The following MARF1 variants were observed in gnomAD, a reference collection of about 807,000 sequenced individuals.
MARF1 encodes meiosis regulator and mRNA stability factor 1.
A neutral mutation model predicts 168.2 loss-of-function variants in MARF1; 24 were observed. That is an observed-to-expected ratio of 0.14 (90% CI 0.10 to 0.20). The LOEUF (loss-of-function observed/expected upper bound fraction) is 0.20, where lower values mean the gene tolerates loss of function less well. Ranked by LOEUF, MARF1 falls within the 10% of genes least tolerant of loss-of-function variation. The pLI, the probability that MARF1 is intolerant of heterozygous loss-of-function variation, is 1.00. For synonymous variants in MARF1, 868 were observed against 822.4 expected, an observed-to-expected ratio of 1.06 and a Z score of -0.95; for missense variants, 1,744 against 2,143.6, an observed-to-expected ratio of 0.81 and a Z score of 3.68.
chr16:15,632,638 G>A (rs192226643), intron 5 of MARF1, among the ~76,000 whole-genome samples: 1 of 152,016 alleles, frequency 6.6e-6, no homozygotes, highest in African/African-American at 2.4e-5. Flanking sequence ...TCGCATATAA[G>A]TCCCCAAAGG....
chr16:15,615,719 G>C (rs2033992616), intron 16 of MARF1, 111 bp downstream of exon 16: 6 of 696,006 alleles, frequency 8.6e-6, no homozygotes, highest in Non-Finnish European at 1.3e-5. Flanking sequence ...ACACATCCAT[G>C]GTGTTTTCAC....
At chr16:15,622,630 G>T (rs982749375) in intron 11 of MARF1, among the ~76,000 whole-genome samples, 1 of 152,088 alleles carries the variant, frequency 6.6e-6, no homozygotes, top group Non-Finnish European at 1.5e-5. Context: ...TGATCTGGCC[G>T]CCTTGGCCTC....
In MARF1 at chr16:15,596,921, G is replaced by A; in HGVS notation, c.5001C>T (p.Asn1667=). 6.2e-7 allele frequency: 1 copy of A among 1,603,746 alleles called. No individual in the cohort carries two copies. The highest frequency in any genetic ancestry group is 1.3e-5 in the African/African-American group (1 of 74,740). The change falls in exon 27 of 27, where the codon AAC becomes AAT. Residue 1667 remains asparagine, a synonymous_variant. Coordinates refer to ENST00000396368, the MANE Select transcript of MARF1 (RefSeq NM_014647.4). ...TTGGAATCTCCATTTTTTCTTCTTGGTTTAAAATCATAATTTCTGTAAACA... is the reference window on the plus strand; with the variant it reads ...TTGGAATCTCCATTTTTTCTTCTTGATTTAAAATCATAATTTCTGTAAACA... ...PQEPSEIMIL[N]QEEKMEIPIP... is the part of the protein sequence containing the mutation.
rs1325046133 is a variant in MARF1 at position 15,617,379 on chromosome 16, C to A, written c.2877G>T (p.Thr959=). The stretch of plus-strand genomic sequence containing the variant: ...CTTCAAATATAATTGGGCTGCAATT[C>A]GTGGAGGAGCCGTCGTGTGACTGGG... ...GSSQSHDGSS[T]NCSPIIFEEL... The change falls in exon 14 of 27, where the codon ACG becomes ACT. Residue 959 remains threonine (T), a synonymous_variant. Transcript: ENST00000396368. 5 of 1,614,132 alleles carry A rather than the reference C, an allele frequency of 3.1e-6. No individual in the cohort carries two copies. Among genetic ancestry groups the A allele is most frequent in the Non-Finnish European group, 4.2e-6 (5 of 1,180,016 alleles).
rs202242803 is a variant in MARF1 at position 15,596,961 on chromosome 16, G to A, written c.4985-24C>T. ...TTCTGTAAACACAGAAAAGCAAACA[G>A]ATTCAGATCCAGGAACTGTAAGAAG... On this transcript the variant is annotated intron_variant, in intron 26 of 26. Transcript: ENST00000396368. The A allele has an allele frequency of 1.1e-4, 178 of 1,579,882 alleles. 1 individual carries two copies. In the East Asian group the frequency reaches 2.2e-3, roughly 19 times the overall value.
At position 15,604,394 on chromosome 16, in the gene MARF1, G is replaced by A; in HGVS notation, c.4187C>T (p.Ala1396Val). The part of the protein sequence containing the change: ...TQKLCHVVKV[A>V]DIESGRQIQL... ...AATCTGTCTGCCAGATTCTATATCG[G>A]CAACCTGGGGAAAACGAGAATTCAC... Residue 1396 changes from alanine to valine, a missense_variant, in exon 22 of 27, where the codon GCC (alanine) becomes GTC (valine). Transcript: ENST00000396368. 1 of 1,611,294 alleles carries A rather than the reference G, an allele frequency of 6.2e-7. No homozygotes were observed. The highest frequency in any genetic ancestry group is 8.5e-7 in the Non-Finnish European group (1 of 1,177,382).
In MARF1 at chr16:15,596,558, TAGAAC is replaced by T. The variant is rs2031706660; in HGVS notation, c.*130_*134del. 1 of 786,050 alleles carries T rather than the reference TAGAAC, an allele frequency of 1.3e-6. No individual in the cohort carries two copies. The highest frequency in any genetic ancestry group is 2.9e-5 in the East Asian group (1 of 34,912). The allele number at this position is 786,050 out of a possible 1,614,324, so 48.7% of individuals were successfully genotyped here. On this transcript the variant is annotated 3_prime_UTR_variant, in exon 27 of 27. Transcript: ENST00000396368. ...TGTTCAATGGAAAAGAAAAACATGA[TAGAAC>T]ACAGGTAAGATGAAGTCAATGGCTT...
At chr16:15,617,785 T>C (rs1358750410) in intron 13 of MARF1, among the ~76,000 whole-genome samples, 1 of 151,998 alleles carries the variant, frequency 6.6e-6, no homozygotes, top group Non-Finnish European at 1.5e-5. Flanking sequence ...CCCTGCCCAG[T>C]TTCTTTAAGT....
At chr16:15,605,271 G>A (rs1448590560) in intron 21 of MARF1, among the ~76,000 whole-genome samples, 4 of 152,100 alleles carry the variant, frequency 2.6e-5, no homozygotes, top group East Asian at 1.9e-4. Context: ...TTCCTGCCAG[G>A]GCCAAAGGTC....
intron 19 of MARF1, among the ~76,000 whole-genome samples, chr16:15,610,115 C>A (rs1290004641): frequency 1.3e-5 from 2 of 152,136 alleles, no homozygotes; most frequent in Non-Finnish European, 2.9e-5. Context: ...TTCTGAATAT[C>A]CCCACTTTTT....
At chr16:15,610,834 G>A (rs1039440177) in intron 19 of MARF1, 141 bp downstream of exon 19, 1 of 768,776 alleles carries the variant, frequency 1.3e-6, no homozygotes, top group East Asian at 2.7e-5. Context: ...AGAATCCAAA[G>A]AGCAGCAGTT....
At chr16:15,600,609 T>C (rs554526248) in intron 24 of MARF1, 32 bp downstream of exon 24, 18 of 1,613,984 alleles carry the variant, frequency 1.1e-5, no homozygotes, top group Non-Finnish European at 1.4e-5. Context: ...ACCGTGATTT[T>C]TTAAGGGGGG....
chr16:15,635,254 T>C (rs1381167629), intron 3 of MARF1: 3 of 401,414 alleles, frequency 7.5e-6, no homozygotes, highest in South Asian at 5.4e-5. Flanking sequence ...CCAATGTGAC[T>C]GAGGCCAAGC....
chr16:15,613,597 G>C (rs984799146), intron 16 of MARF1, among the ~76,000 whole-genome samples: 1 of 151,756 alleles, frequency 6.6e-6, no homozygotes, highest in African/African-American at 2.4e-5. Flanking sequence ...AGGAGGTGGA[G>C]CTTGCAGTGA....
At chr16:15,605,124 G>A (rs1181108061) in intron 21 of MARF1, among the ~76,000 whole-genome samples, 1 of 152,236 alleles carries the variant, frequency 6.6e-6, no homozygotes, top group Non-Finnish European at 1.5e-5. Context: ...AGCAGGCTGT[G>A]GGTGGCGAGG....
At chr16:15,634,152 CAA>C (rs931524561) in intron 4 of MARF1, among the ~76,000 whole-genome samples, 2 of 152,308 alleles carry the variant, frequency 1.3e-5, no homozygotes, top group African/African-American at 4.8e-5. Context: ...TCTCTGAACA[CAA>C]GCACACTAAC....
intron 7 of MARF1, among the ~76,000 whole-genome samples, chr16:15,628,740 G>C (rs2035046028): frequency 6.6e-6 from 1 of 152,012 alleles, no homozygotes; most frequent in African/African-American, 2.4e-5. Flanking sequence ...CTAATCAGAG[G>C]CTTTTCTTTT....
intron 17 of MARF1, 129 bp downstream of exon 17, chr16:15,612,428 G>A (rs964877361): frequency 8.9e-6 from 7 of 789,988 alleles, no homozygotes; most frequent in Admixed American, 2.1e-5. Context: ...GCCCTCTGAA[G>A]AAAGTTTTTA....
chr16:15,623,962 A>T (rs1443734338), intron 10 of MARF1, among the ~76,000 whole-genome samples: 1 of 136,926 alleles, frequency 7.3e-6, no homozygotes, highest in Non-Finnish European at 1.5e-5. Context: ...CCCAGGCTGG[A>T]GTGCAGTCAT....
Sources: allele counts gnomAD v4.1 joint callset (sites outside exome capture counted in the v4.1 genomes callset), GRCh38; gene constraint gnomAD v4.1.1; transcripts MANE v1.5; gene names NCBI Gene and HGNC (gene_info 2026-07-23, HGNC 2026-07-21).